The following FARP1 variants were observed in gnomAD, a reference collection of about 807,000 sequenced individuals.
FARP1 encodes FERM, ARH/RhoGEF and pleckstrin domain protein 1, also known as FERM, ARHGEF and pleckstrin domain-containing protein 1.
A neutral mutation model predicts 128.8 loss-of-function variants in FARP1; 52 were observed. The ratio of observed to expected loss-of-function variants is 0.40; its 90% CI spans 0.32 to 0.51. The LOEUF (loss-of-function observed/expected upper bound fraction) is 0.51, where lower values mean the gene tolerates loss of function less well. Among genes scored for constraint, FARP1 ranks in the 20% least tolerant of loss-of-function variants. FARP1 has a pLI of 0.45. For missense variants in FARP1, 1,333 were observed against 1,367.9 expected (o/e 0.97, Z 0.40); for synonymous variants, 580 against 551.8 (o/e 1.05, Z -0.72).
At chr13:98,437,185 G>A (rs994674429) in intron 19 of FARP1, among the ~76,000 whole-genome samples, 2 of 152,210 alleles carry the variant, frequency 1.3e-5, no homozygotes, top group African/African-American at 4.8e-5. Context: ...TAACTACATT[G>A]CAGAGCACAA....
chr13:98,255,400 C>T (rs1883535723), intron 2 of FARP1, among the ~76,000 whole-genome samples: 2 of 152,030 alleles, frequency 1.3e-5, no homozygotes, highest in African/African-American at 4.8e-5. Flanking sequence ...ACTCGGGAGG[C>T]TGAGGCAGGA....
chr13:98,163,092 T>C (rs1486954718), intron 1 of FARP1, among the ~76,000 whole-genome samples: 1 of 151,988 alleles, frequency 6.6e-6, no homozygotes, highest in Admixed American at 6.6e-5. Context: ...CAATGACAGA[T>C]TGAATAAATA....
chr13:98,224,809 A>G (rs1881664422), intron 2 of FARP1, among the ~76,000 whole-genome samples: 1 of 152,102 alleles, frequency 6.6e-6, no homozygotes, highest in South Asian at 2.1e-4. Flanking sequence ...CACAGAGAAC[A>G]TGAAGGCTGT....
intron 3 of FARP1, among the ~76,000 whole-genome samples, chr13:98,358,626 A>T (rs1467206565): frequency 6.6e-6 from 1 of 152,090 alleles, no homozygotes; most frequent in Non-Finnish European, 1.5e-5. Context: ...TTCAAAGTAA[A>T]GTTTTTTTGT....
chr13:98,246,946 C>G lies in FARP1; in HGVS notation c.171+33533C>G, dbSNP rs529751871. Reference sequence around the variant, plus strand: ...GTTTAAGAAGGCAGCTGTTCCTTGGCGGGGCACAGTTGCTCACGCCTGTAA... The same window carrying G: ...GTTTAAGAAGGCAGCTGTTCCTTGGGGGGGCACAGTTGCTCACGCCTGTAA... On this transcript the variant is annotated intron_variant, in intron 2 of 26. Transcript: ENST00000319562. 9.1e-4 allele frequency among the ~76,000 whole-genome samples: 138 copies of G among 152,318 alleles called. 1 individual carries two copies. Among genetic ancestry groups the G allele is most frequent in the African/African-American group, 3.1e-3 (130 of 41,568 alleles).
chr13:98,233,489 A>C (rs565946006), intron 2 of FARP1, among the ~76,000 whole-genome samples: 1 of 152,042 alleles, frequency 6.6e-6, no homozygotes, highest in East Asian at 1.9e-4. Flanking sequence ...CTTCCCCCAA[A>C]TACACTCATT....
In FARP1 at chr13:98,302,001, A is replaced by G. The variant is rs77377030; in HGVS notation, c.172-41761A>G. ...CCCCTAAGGAAACCTGATTCCTTTT[A>G]AGGAATACTTGGTGTAGACACACCT... On this transcript the variant is annotated intron_variant, in intron 2 of 26. Transcript: ENST00000319562. Among the ~76,000 whole-genome samples the G allele has an allele frequency of 1.3e-3, 195 of 152,272 alleles. 4 individuals carry two copies. In the East Asian group the frequency reaches 0.033, roughly 26 times the overall value.
chr13:98,205,048 A>G (rs1000391528), intron 1 of FARP1, among the ~76,000 whole-genome samples: 32 of 152,304 alleles, frequency 2.1e-4, no homozygotes, highest in African/African-American at 7.7e-4. Flanking sequence ...TGTTTTTGGC[A>G]TTTAAGCCTT....
chr13:98,423,475 C>T (rs1891667742), intron 16 of FARP1, among the ~76,000 whole-genome samples: 1 of 152,070 alleles, frequency 6.6e-6, no homozygotes, highest in African/African-American at 2.4e-5. Flanking sequence ...TTCTGGTTTT[C>T]CTGAACAGTT....
At chr13:98,427,897 A>C (rs1891846700) in intron 17 of FARP1, among the ~76,000 whole-genome samples, 1 of 152,142 alleles carries the variant, frequency 6.6e-6, no homozygotes, top group Non-Finnish European at 1.5e-5. Context: ...TTGAGAAGTT[A>C]GTTGGGGTTT....
intron 13 of FARP1, among the ~76,000 whole-genome samples, chr13:98,408,610 C>T (rs189243685): frequency 1.8e-3 from 269 of 152,174 alleles, no homozygotes; most frequent in African/African-American, 6.1e-3. Flanking sequence ...ATTACAGGCG[C>T]GAGCCACTGC....
At chr13:98,227,135 G>A (rs1395233298) in intron 2 of FARP1, among the ~76,000 whole-genome samples, 1 of 152,034 alleles carries the variant, frequency 6.6e-6, no homozygotes, top group Non-Finnish European at 1.5e-5. Flanking sequence ...GTAGAGACGG[G>A]GTTTCACTGT....
intron 2 of FARP1, among the ~76,000 whole-genome samples, chr13:98,285,264 C>A (rs1885112799): frequency 6.6e-6 from 1 of 152,112 alleles, no homozygotes; most frequent in Non-Finnish European, 1.5e-5. Flanking sequence ...CCTCCCCACC[C>A]CCCATAACCT....
At chr13:98,396,504 C>T (rs547987564) in intron 13 of FARP1, 7 of 398,762 alleles carry the variant, frequency 1.8e-5, no homozygotes, top group Non-Finnish European at 3.1e-5. Flanking sequence ...GGCCAGGAGC[C>T]AAGTCTTCAG....
chr13:98,334,674 G>A (rs80035918), intron 2 of FARP1, among the ~76,000 whole-genome samples: 2,960 of 152,168 alleles, frequency 0.019, 32 homozygotes, highest in Admixed American at 0.032. Context: ...GGCTGTATTT[G>A]GAGTAAGGAA....
At chr13:98,385,141 G>T (rs1272680713) in intron 7 of FARP1, among the ~76,000 whole-genome samples, 1 of 152,198 alleles carries the variant, frequency 6.6e-6, no homozygotes, top group African/African-American at 2.4e-5. Context: ...AAGGGACGTG[G>T]TCACCTAGGG....
At chr13:98,357,999 G>T in intron 3 of FARP1, among the ~76,000 whole-genome samples, 1 of 151,878 alleles carries the variant, frequency 6.6e-6, no homozygotes, top group East Asian at 1.9e-4. Context: ...AGGTTTTCCA[G>T]ACTGGCTGAT....
At chr13:98,227,693 C>T (rs1394244313) in intron 2 of FARP1, among the ~76,000 whole-genome samples, 3 of 152,120 alleles carry the variant, frequency 2.0e-5, no homozygotes, top group East Asian at 1.9e-4. Flanking sequence ...GTACTGTTCA[C>T]GCTAGCCAGG....
intron 24 of FARP1, among the ~76,000 whole-genome samples, chr13:98,444,368 A>G (rs9517304): frequency 0.45 from 67,115 of 150,128 alleles, 15,389 homozygotes; most frequent in Non-Finnish European, 0.53. Context: ...AGGGAATGGG[A>G]TCCAAGAAGG....
Sources: gnomAD v4.1 joint callset for allele counts (sites outside exome capture counted in the v4.1 genomes callset) on GRCh38, gnomAD v4.1.1 for gene constraint, MANE v1.5 for transcripts, NCBI Gene and HGNC (gene_info 2026-07-23, HGNC 2026-07-21) for gene names.